Variants in PTPRG observed in about 807,000 individuals in gnomAD.
PTPRG encodes the protein receptor-type tyrosine-protein phosphatase gamma.
PTPRG carries 102 observed loss-of-function variants against 165.3 expected under a neutral mutation model. That is an observed-to-expected ratio of 0.62 (90% CI 0.53 to 0.73). The LOEUF (loss-of-function observed/expected upper bound fraction) is 0.73, where lower values mean the gene tolerates loss of function less well. PTPRG is among the 30% of genes least tolerant of loss of function. The probability of loss-of-function intolerance (pLI) is 0.00; values close to 1 mark genes in which losing one functional copy is unlikely to be tolerated. For synonymous variants in PTPRG, 675 were observed against 669.5 expected (o/e 1.01, Z -0.13); for missense variants, 1,866 against 1,861.4 (o/e 1.00, Z -0.05).
intron 2 of PTPRG, among the ~76,000 whole-genome samples, chr3:61,842,542 A>G (rs760279520): frequency 1.3e-5 from 2 of 152,118 alleles, no homozygotes; most frequent in Admixed American, 6.5e-5. Flanking sequence ...AATCAACCCA[A>G]CTTACATTTA....
chr3:61,689,399 TTGTC>T (rs2030010487), intron 1 of PTPRG, among the ~76,000 whole-genome samples: 1 of 152,238 alleles, frequency 6.6e-6, no homozygotes, highest in African/African-American at 2.4e-5. Context: ...ATATTTATGA[TTGTC>T]TGACTTAAAA....
intron 2 of PTPRG, among the ~76,000 whole-genome samples, chr3:61,927,921 G>A (rs79522280): frequency 0.017 from 2,577 of 152,116 alleles, 39 homozygotes; most frequent in South Asian, 0.074. Context: ...TGAGGTATAC[G>A]TGCGTTCAAA....
chr3:61,582,427 C>T (rs1161103594), intron 1 of PTPRG, among the ~76,000 whole-genome samples: 1 of 152,152 alleles, frequency 6.6e-6, no homozygotes, highest in Non-Finnish European at 1.5e-5. Flanking sequence ...CGTCCTGGCA[C>T]AACTCTGAGA....
chr3:61,739,469 G>A (rs2032896770), intron 1 of PTPRG, among the ~76,000 whole-genome samples: 1 of 152,202 alleles, frequency 6.6e-6, no homozygotes, highest in South Asian at 2.1e-4. Context: ...AGCAAGTGGA[G>A]TAGCTATTCA....
At chr3:61,773,275 A>T (rs1476415476) in intron 2 of PTPRG, among the ~76,000 whole-genome samples, 1 of 152,214 alleles carries the variant, frequency 6.6e-6, no homozygotes, top group Admixed American at 6.5e-5. Context: ...CTAATTAGAA[A>T]TTTAGAAGAT....
At chr3:62,216,759 C>A (rs1363691274) in intron 12 of PTPRG, among the ~76,000 whole-genome samples, 3 of 152,208 alleles carry the variant, frequency 2.0e-5, no homozygotes, top group Admixed American at 6.5e-5. Context: ...AATTCAGTTT[C>A]TTTATTTCAG....
At chr3:62,135,291 T>G (rs941497662) in intron 6 of PTPRG, among the ~76,000 whole-genome samples, 25 of 146,918 alleles carry the variant, frequency 1.7e-4, no homozygotes, top group Non-Finnish European at 3.2e-4. Flanking sequence ...AAAAAAGAAA[T>G]AAAAATAAAA....
At chr3:62,043,407 T>A (rs945642503) in intron 4 of PTPRG, among the ~76,000 whole-genome samples, 1 of 152,242 alleles carries the variant, frequency 6.6e-6, no homozygotes, top group East Asian at 1.9e-4. Flanking sequence ...AATGTGGTCA[T>A]GTTTATTTTA....
rs187012471 is a variant in PTPRG at position 62,137,737 on chromosome 3, G to A, written c.682+5069G>A. On this transcript the variant is annotated intron_variant, in intron 6 of 29. Transcript: ENST00000474889. Reference sequence around the variant, plus strand: ...CCAACCACTGAGCTGGTCATCACTCGTTGTCATATAAAATCCACTCTTCGT... The same window carrying A: ...CCAACCACTGAGCTGGTCATCACTCATTGTCATATAAAATCCACTCTTCGT... 1.1e-4 allele frequency among the ~76,000 whole-genome samples: 16 copies of A among 152,146 alleles called. No homozygotes were observed. The East Asian group carries it at 1.9e-3, about 18-fold the overall frequency.
At chr3:61,835,037 G>A (rs2036418828) in intron 2 of PTPRG, among the ~76,000 whole-genome samples, 1 of 152,108 alleles carries the variant, frequency 6.6e-6, no homozygotes, top group Non-Finnish European at 1.5e-5. Flanking sequence ...CTGAAATTCA[G>A]CTAGATATAG....
chr3:61,905,031 A>G (rs2038607011), intron 2 of PTPRG, among the ~76,000 whole-genome samples: 1 of 151,868 alleles, frequency 6.6e-6, no homozygotes, highest in South Asian at 2.1e-4. Context: ...CCCAGTCCCT[A>G]GAAGACCTCA....
In PTPRG at chr3:61,749,002, T is replaced by C; in HGVS notation, c.190+20T>C. ...ACTCTGGTAAGTCCAGTTGTTCTAA[T>C]GGAGATCACACAGGCCAGTTAACAT... On this transcript the variant is annotated intron_variant, in intron 2 of 29. Transcript: ENST00000474889. 6.3e-7 allele frequency: 1 copy of C among 1,590,168 alleles called. No homozygotes were observed. The highest frequency in any genetic ancestry group is 8.6e-7 in the Non-Finnish European group (1 of 1,159,058).
chr3:62,274,255 G>A (rs1012605707), intron 23 of PTPRG, among the ~76,000 whole-genome samples: 2 of 152,070 alleles, frequency 1.3e-5, no homozygotes, highest in African/African-American at 4.8e-5. Context: ...TATTTCAGAA[G>A]ATAATTTAGG....
At chr3:61,869,496 C>T (rs933673860) in intron 2 of PTPRG, among the ~76,000 whole-genome samples, 72 of 152,200 alleles carry the variant, frequency 4.7e-4, no homozygotes, top group African/African-American at 1.7e-3. Context: ...AATGTGTTTA[C>T]CCTGCGAACA....
chr3:61,661,537 G>A (rs1702668669), intron 1 of PTPRG, among the ~76,000 whole-genome samples: 1 of 152,080 alleles, frequency 6.6e-6, no homozygotes, highest in African/African-American at 2.4e-5. Context: ...GTGAATGACT[G>A]TACCTACGCT....
At chr3:62,070,512 G>A (rs750260865) in intron 4 of PTPRG, among the ~76,000 whole-genome samples, 2 of 152,204 alleles carry the variant, frequency 1.3e-5, no homozygotes, top group Non-Finnish European at 2.9e-5. Context: ...GCAGCACTGT[G>A]CTAGGGACAC....
intron 1 of PTPRG, among the ~76,000 whole-genome samples, chr3:61,574,533 A>C (rs963078795): frequency 5.9e-5 from 9 of 152,186 alleles, no homozygotes; most frequent in Non-Finnish European, 1.2e-4. Flanking sequence ...GAGGGTGCAG[A>C]AAATCTCTTG....
chr3:61,658,676 G>A (rs1331138896), intron 1 of PTPRG, among the ~76,000 whole-genome samples: 1 of 152,062 alleles, frequency 6.6e-6, no homozygotes, highest in Non-Finnish European at 1.5e-5. Context: ...AGTTCTTTGC[G>A]AGTTAAGGAT....
chr3:61,735,529 G>GTTTTTT (rs11352504), intron 1 of PTPRG, among the ~76,000 whole-genome samples: 4 of 143,168 alleles, frequency 2.8e-5, no homozygotes, highest in Non-Finnish European at 4.6e-5. Flanking sequence ...AATTCCTTGA[G>GTTTTTT]TTTTTTTTTT....
Sources: allele counts gnomAD v4.1 joint callset (sites outside exome capture counted in the v4.1 genomes callset), GRCh38; gene constraint gnomAD v4.1.1; transcripts MANE v1.5; gene names NCBI Gene and HGNC (gene_info 2026-07-23, HGNC 2026-07-21).